Variants in ITGB2 observed in about 807,000 individuals in gnomAD.
ITGB2 encodes integrin subunit beta 2, also known as integrin beta-2.
A neutral mutation model predicts 86.8 loss-of-function variants in ITGB2; 56 were observed. The observed-to-expected ratio is 0.65, with a 90% CI of 0.52 to 0.81. The LOEUF is 0.81. Ranked by LOEUF, ITGB2 falls within the 30% of genes least tolerant of loss-of-function variation. The probability of loss-of-function intolerance (pLI) is 0.00; values close to 1 mark genes in which losing one functional copy is unlikely to be tolerated. For missense variants in ITGB2, 948 were observed against 1,061.2 expected (o/e 0.89, Z 1.48); for synonymous variants, 457 against 450.4 (o/e 1.01, Z -0.19).
At chr21:44,907,849 G>C (rs2084067349) in intron 3 of ITGB2, 1 of 567,558 alleles carries the variant, frequency 1.8e-6, no homozygotes, top group African/African-American at 1.9e-5. Context: ...CAGTCCCCAG[G>C]GTGCCTCTTT....
At position 44,920,870 on chromosome 21, in the gene ITGB2, T is replaced by C. The variant is rs1286334173; in HGVS notation, c.-53A>G. 6.6e-6 allele frequency: 1 copy of C among 152,554 alleles called. No homozygotes were observed. Among genetic ancestry groups the C allele is most frequent in the East Asian group, 1.9e-4 (1 of 5,204 alleles). The allele number at this position is 152,554 out of a possible 1,614,324, so 9.5% of individuals were successfully genotyped here. On this transcript the variant is annotated 5_prime_UTR_variant, in exon 1 of 16. Transcript: ENST00000652462. ...GGTGCTCCTGGCTGGGCGTGGGGGCTTTGCTACCAGTCTGCCCTGGGTCAC... is the reference window on the plus strand; with the variant it reads ...GGTGCTCCTGGCTGGGCGTGGGGGCCTTGCTACCAGTCTGCCCTGGGTCAC...
At chr21:44,915,433 C>T (rs1469674444) in intron 1 of ITGB2, among the ~76,000 whole-genome samples, 1 of 152,186 alleles carries the variant, frequency 6.6e-6, no homozygotes, top group Non-Finnish European at 1.5e-5. Context: ...CCTGCCTGTG[C>T]TGAAACCCAC....
At chr21:44,915,726 C>T (rs983814027) in intron 1 of ITGB2, among the ~76,000 whole-genome samples, 8 of 152,258 alleles carry the variant, frequency 5.3e-5, no homozygotes, top group Non-Finnish European at 1.0e-4. Context: ...CCTTGGATCA[C>T]AGAGGCTCCA....
At chr21:44,908,170 C>A (rs775390645) in intron 3 of ITGB2, 3 of 738,402 alleles carry the variant, frequency 4.1e-6, no homozygotes, top group Non-Finnish European at 7.6e-6. Flanking sequence ...GCTGGAGGAC[C>A]CAAAGCCGCT....
intron 10 of ITGB2, 87 bp downstream of exon 10, chr21:44,893,317 T>G: frequency 2.0e-6 from 3 of 1,474,446 alleles, no homozygotes; most frequent in Non-Finnish European, 2.8e-6. Flanking sequence ...GACCCCTCAG[T>G]GTGCTGGGAT....
Position 44,907,061 on chromosome 21 carries a change from C to T in ITGB2, c.182G>A (p.Arg61His), listed in dbSNP as rs752119939. The change falls in exon 4 of 16, where the codon CGC becomes CAC. Residue 61 changes from arginine (R) to histidine (H), a missense_variant. By Grantham distance (29) the Arg-to-His change is conservative. Coordinates refer to ENST00000652462, the MANE Select transcript of ITGB2 (RefSeq NM_000211.5). ...FTGPGDPDSI[R>H]CDTRPQLLMR... The stretch of plus-strand genomic sequence containing the variant: ...GAGCAGCTGTGGCCGGGTGTCGCAG[C>T]GAATGGAGTCAGGATCCCCCGGCCC... The T allele has an allele frequency of 1.2e-5, 19 of 1,609,814 alleles. No individual in the cohort carries two copies. Among genetic ancestry groups the T allele is most frequent in the African/African-American group, 6.7e-5 (5 of 74,826 alleles).
chr21:44,891,253 G>T (rs914194106), intron 11 of ITGB2, among the ~76,000 whole-genome samples: 2 of 152,298 alleles, frequency 1.3e-5, no homozygotes, highest in South Asian at 2.1e-4. Flanking sequence ...CTGAGGTGGG[G>T]TGCCCACGCC....
At chr21:44,899,700 G>A (rs1009459937) in intron 7 of ITGB2, among the ~76,000 whole-genome samples, 1 of 152,174 alleles carries the variant, frequency 6.6e-6, no homozygotes, top group African/African-American at 2.4e-5. Flanking sequence ...GTTGCCTCTC[G>A]GCCCACGGCT....
chr21:44,921,628 T>C (rs1369300241), upstream of ITGB2, among the ~76,000 whole-genome samples: 1 of 151,442 alleles, frequency 6.6e-6, no homozygotes, highest in African/African-American at 2.4e-5. Context: ...AAAGAGATTA[T>C]ACCTAGAAAA....
chr21:44,920,322 A>G (rs1454034048), intron 1 of ITGB2, among the ~76,000 whole-genome samples: 1 of 152,094 alleles, frequency 6.6e-6, no homozygotes, highest in African/African-American at 2.4e-5. Flanking sequence ...GACACTACAC[A>G]CCACGAACCA....
intron 8 of ITGB2, among the ~76,000 whole-genome samples, chr21:44,897,321 C>CCCGA (rs994965226): frequency 1.3e-5 from 2 of 152,212 alleles, no homozygotes; most frequent in Admixed American, 6.5e-5. Context: ...TTCCCCAAAC[C>CCCGA]CCGAGTATGT....
chr21:44,910,683 A>G lies in ITGB2; in HGVS notation c.58+42T>C, dbSNP rs762546535. ...GGCAGGCCCTGTTCTCCCTGATTGGAATGTCACGCGTGGAGTCCCCTCCGT... is the reference window on the plus strand; with the variant it reads ...GGCAGGCCCTGTTCTCCCTGATTGGGATGTCACGCGTGGAGTCCCCTCCGT... On this transcript the variant is annotated intron_variant, in intron 2 of 15. Coordinates refer to ENST00000652462, the MANE Select transcript of ITGB2 (RefSeq NM_000211.5). The G allele has an allele frequency of 3.1e-6, 5 of 1,601,586 alleles. No homozygotes were observed. The South Asian group carries it at 3.3e-5, about 11-fold the overall frequency.
At chr21:44,892,092 G>A in intron 10 of ITGB2, 96 bp from the exon 11 acceptor site, 1 of 1,272,102 alleles carries the variant, frequency 7.9e-7, no homozygotes, top group Non-Finnish European at 1.1e-6. Flanking sequence ...AGGGGTCCTG[G>A]GGGGTTCAGC....
chr21:44,887,379 TGGTTCCCAC>T (rs2083714642), intron 14 of ITGB2, among the ~76,000 whole-genome samples: 1 of 152,148 alleles, frequency 6.6e-6, no homozygotes, highest in Non-Finnish European at 1.5e-5. Context: ...CGCAAGGTCC[TGGTTCCCAC>T]GGCAGCTGTG....
intron 1 of ITGB2, chr21:44,911,310 C>T (rs943507235): frequency 4.0e-5 from 8 of 200,230 alleles, no homozygotes; most frequent in Non-Finnish European, 6.3e-5. Flanking sequence ...CAGACACACA[C>T]ACCACACGCA....
intron 5 of ITGB2, among the ~76,000 whole-genome samples, chr21:44,902,508 CAT>C (rs1162833063): frequency 1.4e-5 from 2 of 146,564 alleles, no homozygotes; most frequent in Non-Finnish European, 1.5e-5. Flanking sequence ...TGTGTTTGAG[CAT>C]GTGTGTGAGC....
Position 44,889,515 on chromosome 21 carries a change from G to C in ITGB2, c.1658-20C>G, listed in dbSNP as rs377371046. On this transcript the variant is annotated intron_variant, in intron 12 of 15. Coordinates refer to ENST00000652462, the MANE Select transcript of ITGB2 (RefSeq NM_000211.5). Reference sequence around the variant, plus strand: ...CCCTCCCTGGAAGACGGGGCAGCACGGCTAAGCTCCTGCTTGGCCTGGGAA... The same window carrying C: ...CCCTCCCTGGAAGACGGGGCAGCACCGCTAAGCTCCTGCTTGGCCTGGGAA... The C allele has an allele frequency of 3.2e-6, 5 of 1,547,280 alleles. No homozygotes were observed. Among genetic ancestry groups the C allele is most frequent in the African/African-American group, 1.4e-5 (1 of 73,002 alleles).
chr21:44,903,159 C>T (rs1397807457), intron 5 of ITGB2, among the ~76,000 whole-genome samples: 1 of 152,168 alleles, frequency 6.6e-6, no homozygotes, highest in African/African-American at 2.4e-5. Context: ...ACAATGTCTA[C>T]AAGTGTTGGG....
At chr21:44,906,637 C>G (rs1482700305) in intron 4 of ITGB2, among the ~76,000 whole-genome samples, 10 of 151,826 alleles carry the variant, frequency 6.6e-5, no homozygotes, top group Admixed American at 6.5e-4. Flanking sequence ...TTTGGTCTCC[C>G]TTTAAAAAAA....
Sources: gnomAD v4.1 joint callset for allele counts (sites outside exome capture counted in the v4.1 genomes callset) on GRCh38, gnomAD v4.1.1 for gene constraint, MANE v1.5 for transcripts, NCBI Gene and HGNC (gene_info 2026-07-23, HGNC 2026-07-21) for gene names.